Variants in PIK3C3 observed in about 807,000 individuals in gnomAD.
PIK3C3 encodes the protein phosphatidylinositol 3-kinase catalytic subunit type 3.
Under a neutral mutation model 126.1 loss-of-function variants are expected in PIK3C3, and 95 were observed. The ratio of observed to expected loss-of-function variants is 0.75; its 90% CI spans 0.64 to 0.89. The LOEUF is 0.89. PIK3C3 is among the 40% of genes least tolerant of loss of function. PIK3C3 has a pLI of 0.00. For missense variants in PIK3C3, 829 were observed against 1,063.2 expected (o/e 0.78, Z 3.06); for synonymous variants, 374 against 360.0 (o/e 1.04, Z -0.44).
At chr18:42,057,506 A>G (rs1042021897) in intron 21 of PIK3C3, 3 of 165,620 alleles carry the variant, frequency 1.8e-5, no homozygotes, top group African/African-American at 7.2e-5. Context: ...TACTATATGA[A>G]GGGCACTGTG....
intron 9 of PIK3C3, among the ~76,000 whole-genome samples, chr18:42,001,891 C>T (rs369671435): frequency 3.9e-5 from 6 of 152,148 alleles, no homozygotes; most frequent in Non-Finnish European, 8.8e-5. Flanking sequence ...TTTCCACATT[C>T]AACCTAGAAA....
intron 15 of PIK3C3, 47 bp from the exon 16 acceptor site, chr18:42,033,779 A>T: frequency 7.0e-7 from 1 of 1,421,018 alleles, no homozygotes; most frequent in East Asian, 2.5e-5. Context: ...TGTTTTATAA[A>T]CTACTCTTCT....
chr18:42,065,840 C>A (rs1985515852), intron 23 of PIK3C3, among the ~76,000 whole-genome samples: 1 of 152,106 alleles, frequency 6.6e-6, no homozygotes, highest in South Asian at 2.1e-4. Flanking sequence ...AAATCTGATA[C>A]CAAATAACTA....
Position 41,990,836 on chromosome 18 carries a change from C to G in PIK3C3, c.714+282C>G, listed in dbSNP as rs140381198. ...GTTCTGCAAATTGGCAAGTAGGACACTAAGTAATGGCTTCATTTACTAATA... is the reference window on the plus strand; with the variant it reads ...GTTCTGCAAATTGGCAAGTAGGACAGTAAGTAATGGCTTCATTTACTAATA... On this transcript the variant is annotated intron_variant, in intron 6 of 24. Transcript: ENST00000262039. Among the ~76,000 whole-genome samples the G allele has an allele frequency of 2.2e-3, 337 of 152,150 alleles. 1 individual carries two copies. The highest frequency in any genetic ancestry group is 7.5e-3 in the African/African-American group (311 of 41,510).
intron 4 of PIK3C3, among the ~76,000 whole-genome samples, chr18:41,974,121 T>C (rs1980800434): frequency 6.6e-6 from 1 of 152,156 alleles, no homozygotes; most frequent in Non-Finnish European, 1.5e-5. Context: ...TCAGTCTTGA[T>C]TGTCTAGGGA....
chr18:42,021,109 CATG>C (rs1159735347), intron 13 of PIK3C3, among the ~76,000 whole-genome samples: 5 of 152,090 alleles, frequency 3.3e-5, no homozygotes, highest in Admixed American at 1.3e-4. Context: ...GCATTTTAAA[CATG>C]AGGAAACTGA....
At chr18:41,995,735 A>G (rs1981993319) in intron 7 of PIK3C3, among the ~76,000 whole-genome samples, 155 bp from the exon 8 acceptor site, 1 of 152,188 alleles carries the variant, frequency 6.6e-6, no homozygotes, top group Non-Finnish European at 1.5e-5. Context: ...AGAAGGATAC[A>G]TATTTTTAAG....
intron 22 of PIK3C3, among the ~76,000 whole-genome samples, chr18:42,063,555 A>G (rs1203240246): frequency 2.6e-5 from 4 of 152,190 alleles, no homozygotes; most frequent in Non-Finnish European, 4.4e-5. Context: ...ATTAGACTAC[A>G]TCAAGGTAGA....
At chr18:41,978,289 T>C (rs955658495) in intron 4 of PIK3C3, among the ~76,000 whole-genome samples, 1 of 152,170 alleles carries the variant, frequency 6.6e-6, no homozygotes, top group Admixed American at 6.5e-5. Flanking sequence ...AAAGAAGTGA[T>C]TAATGAAAAG....
chr18:42,012,648 G>A (rs1390021028), intron 10 of PIK3C3, among the ~76,000 whole-genome samples: 1 of 152,156 alleles, frequency 6.6e-6, no homozygotes, highest in Non-Finnish European at 1.5e-5. Context: ...AATACTGGAA[G>A]CATTTCCATC....
intron 10 of PIK3C3, among the ~76,000 whole-genome samples, chr18:42,006,495 C>A (rs1435462517): frequency 6.6e-6 from 1 of 152,134 alleles, no homozygotes; most frequent in African/African-American, 2.4e-5. Flanking sequence ...AAAGTCCCAC[C>A]CTCTAATCAC....
intron 10 of PIK3C3, among the ~76,000 whole-genome samples, chr18:42,006,245 G>A (rs1672031503): frequency 1.3e-5 from 2 of 149,558 alleles, no homozygotes; most frequent in African/African-American, 4.8e-5. Flanking sequence ...GAGGTCCTGA[G>A]CACAGGAGCT....
At chr18:42,006,396 T>C (rs1982544156) in intron 10 of PIK3C3, among the ~76,000 whole-genome samples, 1 of 145,502 alleles carries the variant, frequency 6.9e-6, no homozygotes, top group African/African-American at 2.7e-5. Flanking sequence ...CGCCATTACA[T>C]TGGCATGATT....
chr18:42,078,911 C>G (rs1435218848), intron 24 of PIK3C3, among the ~76,000 whole-genome samples: 23 of 152,208 alleles, frequency 1.5e-4, no homozygotes, highest in Admixed American at 1.5e-3. Context: ...AGGCCTTGCT[C>G]TGCATTAGGC....
chr18:42,032,963 T>G (rs1345372389), intron 15 of PIK3C3, among the ~76,000 whole-genome samples: 2 of 152,168 alleles, frequency 1.3e-5, no homozygotes, highest in Non-Finnish European at 2.9e-5. Flanking sequence ...CAGAGTTCTC[T>G]CCTTTGAGGC....
At position 42,072,684 on chromosome 18, in the gene PIK3C3, A is replaced by G. The variant is rs549424148; in HGVS notation, c.2649+5171A>G. Reference sequence around the variant, plus strand: ...GTAGCTAGGAGTACAGGCATGCACCACCATACCCAGCTAATTTTTAATTTA... The same window carrying G: ...GTAGCTAGGAGTACAGGCATGCACCGCCATACCCAGCTAATTTTTAATTTA... On this transcript the variant is annotated intron_variant, in intron 24 of 24. Transcript: ENST00000262039. Among the ~76,000 whole-genome samples, 8 of 152,174 alleles carry G rather than the reference A, an allele frequency of 5.3e-5. No individual in the cohort carries two copies. The South Asian group carries it at 1.7e-3, about 32-fold the overall frequency.
chr18:41,973,232 C>G (rs933562562), intron 4 of PIK3C3, among the ~76,000 whole-genome samples: 31 of 151,866 alleles, frequency 2.0e-4, no homozygotes, highest in African/African-American at 7.0e-4. Context: ...ATGTGTATGC[C>G]TAGGGTAAAG....
At chr18:42,039,130 CTCACACACACAA>C (rs1225105449) in intron 18 of PIK3C3, among the ~76,000 whole-genome samples, 1 of 152,136 alleles carries the variant, frequency 6.6e-6, no homozygotes, top group African/African-American at 2.4e-5. Context: ...CACACACACC[CTCACACACACAA>C]ACCATTTAAG....
rs1485149996 is a variant in PIK3C3, at chr18:42,083,875, A to T, written c.*2738A>T. 1 of 152,150 alleles carries T rather than the reference A, an allele frequency of 6.6e-6. No homozygotes were observed. The allele number at this position is 152,150 out of a possible 1,614,324, so 9.4% of individuals were successfully genotyped here. ...TAAATTCTTCCAGCTTTCATTTTTC[A>T]CTGAGATAATGGTAGTGATAGTACT... On this transcript the variant is annotated 3_prime_UTR_variant, in exon 25 of 25. Transcript: ENST00000262039.
Sources: gnomAD v4.1 joint callset for allele counts (sites outside exome capture counted in the v4.1 genomes callset) on GRCh38, gnomAD v4.1.1 for gene constraint, MANE v1.5 for transcripts, NCBI Gene and HGNC (gene_info 2026-07-23, HGNC 2026-07-21) for gene names.